KDM5A: variants seen among roughly 807,000 people sequenced by gnomAD.
The protein encoded by KDM5A is lysine-specific demethylase 5A.
In KDM5A, 42 loss-of-function variants were observed where a neutral mutation model predicts 193.5. The observed-to-expected ratio is 0.22, with a 90% confidence interval of 0.17 to 0.28. KDM5A has a LOEUF of 0.28. Ranked by LOEUF, KDM5A falls within the 10% of genes least tolerant of loss-of-function variation. The probability of loss-of-function intolerance (pLI) is 1.00; values close to 1 mark genes in which losing one functional copy is unlikely to be tolerated. For synonymous variants in KDM5A, 796 were observed against 718.1 expected (o/e 1.11, Z -1.73); for missense variants, 1,692 against 2,055.1 (o/e 0.82, Z 3.42).
At chr12:320,916 G>C in intron 18 of KDM5A, 79 bp downstream of exon 18, 1 of 994,162 alleles carries the variant, frequency 1.0e-6, no homozygotes, top group Non-Finnish European at 1.6e-6. Context: ...AACTAGTTTA[G>C]ATATACCATT....
chr12:294,192 T>C (rs1211039592), intron 26 of KDM5A, among the ~76,000 whole-genome samples: 1 of 152,156 alleles, frequency 6.6e-6, no homozygotes, highest in African/African-American at 2.4e-5. Context: ...GCAAAAAAAA[T>C]TGTCATTTTT....
chr12:373,545 G>C (rs907833969), intron 3 of KDM5A, among the ~76,000 whole-genome samples: 7 of 152,040 alleles, frequency 4.6e-5, no homozygotes, highest in African/African-American at 1.7e-4. Context: ...TGGATTCATT[G>C]ATTTTTTGAA....
intron 1 of KDM5A, 117 bp downstream of exon 1, chr12:388,810 T>C (rs1944683448): frequency 5.5e-6 from 7 of 1,266,652 alleles, no homozygotes; most frequent in Non-Finnish European, 5.8e-6. Flanking sequence ...CAGGCTCCAG[T>C]TGTCTCAAAA....
In KDM5A at chr12:328,937, T is replaced by G; in HGVS notation, c.1866A>C (p.Ala622=). The change falls in exon 14 of 28, where the codon GCA becomes GCC. Residue 622 remains alanine (A), a synonymous_variant. Coordinates refer to ENST00000399788, the MANE Select transcript of KDM5A (RefSeq NM_001042603.3). ...GCCCCACATCTAAGCATTCTGGATC[T>G]GCTGCCATCTTGAAAATTAGTTCCT... ...SHEELIFKMA[A]DPECLDVGLA... 4 of 1,614,254 alleles carry G rather than the reference T, an allele frequency of 2.5e-6. No homozygotes were observed. The highest frequency in any genetic ancestry group is 1.6e-4 in the Middle Eastern group (1 of 6,062).
At chr12:356,749 C>T (rs557778523) in intron 5 of KDM5A, among the ~76,000 whole-genome samples, 2 of 152,294 alleles carry the variant, frequency 1.3e-5, no homozygotes, top group East Asian at 1.9e-4. Context: ...AAATAAAACT[C>T]GTGTATGACT....
intron 11 of KDM5A, 140 bp downstream of exon 11, chr12:334,101 A>G: frequency 1.3e-6 from 1 of 776,490 alleles, no homozygotes. Flanking sequence ...TTTACTACCC[A>G]AAGAAATAGG....
rs1257462238 is a variant in KDM5A at position 297,049 on chromosome 12, C to G, written c.4226G>C (p.Cys1409Ser). The G allele has an allele frequency of 1.9e-6, 3 of 1,613,790 alleles. No homozygotes were observed. Among genetic ancestry groups the G allele is most frequent in the Non-Finnish European group, 2.5e-6 (3 of 1,179,922 alleles). The change falls in exon 25 of 28, where the codon TGT becomes TCT. Residue 1409 changes from cysteine (C) to serine (S), a missense_variant. Cys to Ser is a moderately radical substitution (Grantham distance 112). Around this residue, in one of 11 missense-constraint regions of KDM5A, gnomAD observed 965 missense variants for 1,061.0 expected, o/e 0.91. Transcript: ENST00000399788. ...TTTTAAAGGAGTAATACCTTGAGAACAACTCTTAGAAGCAGAAGAATAAGC... is the reference window on the plus strand; with the variant it reads ...TTTTAAAGGAGTAATACCTTGAGAAGAACTCTTAGAAGCAGAAGAATAAGC... The part of the protein sequence containing the change: ...EHAYSSASKS[C>S]SQGSSTPRKQ...
chr12:302,320 C>G (rs943653104), intron 24 of KDM5A, among the ~76,000 whole-genome samples: 7 of 152,184 alleles, frequency 4.6e-5, no homozygotes, highest in African/African-American at 1.7e-4. Context: ...GGTACCAAAA[C>G]AGATATACAG....
chr12:385,825 C>T, intron 2 of KDM5A, 72 bp downstream of exon 2: 1 of 1,164,644 alleles, frequency 8.6e-7, no homozygotes, highest in South Asian at 1.2e-5. Flanking sequence ...ACATGAGCTT[C>T]TCAAAGTTCT....
chr12:357,620 G>A (rs577933425), intron 5 of KDM5A, among the ~76,000 whole-genome samples: 1 of 151,672 alleles, frequency 6.6e-6, no homozygotes, highest in South Asian at 2.1e-4. Context: ...ACAAGGTCAG[G>A]AGTTCTAAAC....
Position 389,113 on chromosome 12 carries a change from G to T in KDM5A, c.-22C>A. ...CCATTGCAACGGCCGGGGGGGGGGG[G>T]GGGTCCCCGTGGGGAACCGGTGGAG... On this transcript the variant is annotated 5_prime_UTR_variant, in exon 1 of 28. Coordinates refer to ENST00000399788, the MANE Select transcript of KDM5A (RefSeq NM_001042603.3). 1.9e-6 allele frequency: 3 copies of T among 1,584,378 alleles called. No individual in the cohort carries two copies. Among genetic ancestry groups the T allele is most frequent in the Non-Finnish European group, 8.6e-7 (1 of 1,160,376 alleles).
intron 24 of KDM5A, 175 bp downstream of exon 24, chr12:306,771 A>C: frequency 1.4e-6 from 1 of 714,960 alleles, no homozygotes; most frequent in East Asian, 2.6e-5. Context: ...TTGTTTCAGC[A>C]ACCTGTAATG....
chr12:282,408 T>C lies in KDM5A; in HGVS notation c.*3048A>G. On this transcript the variant is annotated 3_prime_UTR_variant, in exon 28 of 28. Coordinates refer to ENST00000399788, the MANE Select transcript of KDM5A (RefSeq NM_001042603.3). ...TTTATAATTTTACTGAGGCACAAAT[T>C]TGAATCATGCAGGCAAAGCTGGTGT... 4.3e-6 allele frequency: 1 copy of C among 233,280 alleles called. No homozygotes were observed. Among genetic ancestry groups the C allele is most frequent in the East Asian group, 6.0e-5 (1 of 16,584 alleles). The allele number at this position is 233,280 out of a possible 1,614,324, so 14.5% of individuals were successfully genotyped here. A position where few individuals can be genotyped will look rare whatever the true frequency, so the allele number is the denominator to read the frequency against.
intron 1 of KDM5A, among the ~76,000 whole-genome samples, chr12:386,632 A>C (rs1944640589): frequency 6.6e-6 from 1 of 152,206 alleles, no homozygotes; most frequent in Admixed American, 6.5e-5. Context: ...GGATCGCTTG[A>C]GCCCAGGAGC....
intron 15 of KDM5A, 52 bp downstream of exon 15, chr12:323,548 A>G: frequency 1.3e-6 from 2 of 1,509,860 alleles, no homozygotes; most frequent in Non-Finnish European, 1.8e-6. Context: ...ATAACATTAA[A>G]ACTTGGTTTT....
intron 25 of KDM5A, among the ~76,000 whole-genome samples, chr12:296,382 C>T (rs2137371240): frequency 6.6e-6 from 1 of 151,384 alleles, no homozygotes; most frequent in Middle Eastern, 3.5e-3. Flanking sequence ...GAGTCTTTAT[C>T]GTGTGGCAAG....
At chr12:286,088 T>C (rs892477388) in intron 27 of KDM5A, 7 of 446,186 alleles carry the variant, frequency 1.6e-5, no homozygotes, top group Non-Finnish European at 2.7e-5. Context: ...TAGCTTTATT[T>C]CAAAGAGATA....
intron 27 of KDM5A, among the ~76,000 whole-genome samples, chr12:289,711 T>A (rs142235240): frequency 4.3e-5 from 4 of 93,036 alleles, no homozygotes; most frequent in East Asian, 3.2e-4. Flanking sequence ...TAGGACCCTG[T>A]CTCAAAAAAA....
intron 24 of KDM5A, among the ~76,000 whole-genome samples, chr12:299,731 A>G (rs1943418696): frequency 6.6e-6 from 1 of 152,198 alleles, no homozygotes; most frequent in Non-Finnish European, 1.5e-5. Context: ...TGCCCCAATT[A>G]AAAGACAAAG....
Sources: gnomAD v4.1 joint callset for allele counts (sites outside exome capture counted in the v4.1 genomes callset) on GRCh38, gnomAD v4.1.1 for gene constraint, gnomAD v4.1.1 regional missense constraint, MANE v1.5 for transcripts, NCBI Gene and HGNC (gene_info 2026-07-23, HGNC 2026-07-21) for gene names.